The following EHBP1 variants were observed in gnomAD, a reference collection of about 807,000 sequenced individuals.
EHBP1 encodes EH domain-binding protein 1.
EHBP1 carries 55 observed loss-of-function variants against 144.0 expected under a neutral mutation model. The ratio of observed to expected loss-of-function variants is 0.38; its 90% confidence interval spans 0.31 to 0.48. The LOEUF (loss-of-function observed/expected upper bound fraction) is 0.48, where lower values mean the gene tolerates loss of function less well. EHBP1 is among the 20% of genes least tolerant of loss of function. The pLI is 0.98. For synonymous variants in EHBP1, 469 were observed against 472.7 expected, an observed-to-expected ratio of 0.99 and a Z score of 0.10; for missense variants, 1,200 against 1,364.2, an observed-to-expected ratio of 0.88 and a Z score of 1.90.
intron 2 of EHBP1, among the ~76,000 whole-genome samples, chr2:62,739,760 T>C (rs2038510109): frequency 6.6e-6 from 1 of 151,730 alleles, no homozygotes. Flanking sequence ...CTGGGCAACA[T>C]AGCAATCTCT....
At chr2:62,815,040 A>G (rs2045336274) in intron 5 of EHBP1, among the ~76,000 whole-genome samples, 1 of 152,232 alleles carries the variant, frequency 6.6e-6, no homozygotes, top group African/African-American at 2.4e-5. Flanking sequence ...ATAAAACAAT[A>G]ATAGTAATAA....
Position 62,768,272 on chromosome 2 carries a change from G to A in EHBP1, c.259-3067G>A, listed in dbSNP as rs576106975. Among the ~76,000 whole-genome samples, 8 of 152,240 alleles carry A rather than the reference G, an allele frequency of 5.3e-5. No individual in the cohort carries two copies. The South Asian group carries it at 1.2e-3, about 24-fold the overall frequency. ...AAAAATTAAGATTGATAAGCTGCTA[G>A]CTAGACTAATAAGAAAAGAGAGAAG... is the stretch of plus-strand genomic sequence containing the variant. On this transcript the variant is annotated intron_variant, in intron 4 of 22. Transcript: ENST00000431489.
chr2:62,840,614 A>G (rs2047742267), intron 7 of EHBP1, among the ~76,000 whole-genome samples: 1 of 152,016 alleles, frequency 6.6e-6, no homozygotes, highest in Non-Finnish European at 1.5e-5. Context: ...AATATCCAGA[A>G]TCTACAGTGA....
chr2:62,885,432 G>A (rs147393438), intron 10 of EHBP1, among the ~76,000 whole-genome samples: 1 of 152,128 alleles, frequency 6.6e-6, no homozygotes, highest in Admixed American at 6.5e-5. Context: ...TCAATGTTTA[G>A]AGAAGTAAAC....
chr2:62,959,858 T>G (rs901958787), intron 14 of EHBP1, among the ~76,000 whole-genome samples: 3 of 152,204 alleles, frequency 2.0e-5, no homozygotes, highest in Non-Finnish European at 4.4e-5. Flanking sequence ...ACAAGTAAAC[T>G]TAAGTCCTTC....
intron 19 of EHBP1, among the ~76,000 whole-genome samples, chr2:63,010,225 A>G (rs2060212183): frequency 6.6e-6 from 1 of 151,406 alleles, no homozygotes; most frequent in African/African-American, 2.4e-5. Flanking sequence ...TCTAGTATAG[A>G]CCTTTTAGTT....
intron 5 of EHBP1, among the ~76,000 whole-genome samples, chr2:62,820,247 A>G (rs1006366349): frequency 7.3e-5 from 11 of 151,142 alleles, no homozygotes; most frequent in Non-Finnish European, 1.6e-4. Context: ...AAAGAACATG[A>G]TGTTGAAGAT....
intron 2 of EHBP1, among the ~76,000 whole-genome samples, chr2:62,745,255 A>G (rs896182834): frequency 2.6e-5 from 4 of 152,136 alleles, no homozygotes; most frequent in Non-Finnish European, 4.4e-5. Context: ...AAAATAGTGC[A>G]GTCTAGTGTG....
intron 7 of EHBP1, among the ~76,000 whole-genome samples, chr2:62,835,813 A>G (rs1260449493): frequency 6.6e-6 from 1 of 152,200 alleles, no homozygotes; most frequent in Non-Finnish European, 1.5e-5. Context: ...CCACGAGACT[A>G]TATCCCACAC....
chr2:62,945,203 TA>T (rs1193561208), intron 12 of EHBP1, among the ~76,000 whole-genome samples: 1 of 152,222 alleles, frequency 6.6e-6, no homozygotes, highest in Non-Finnish European at 1.5e-5. Context: ...AGTGCAGTCA[TA>T]AAAAGCACAT....
At chr2:62,991,388 A>AT (rs1346440535) in intron 16 of EHBP1, among the ~76,000 whole-genome samples, 1 of 152,208 alleles carries the variant, frequency 6.6e-6, no homozygotes, top group Non-Finnish European at 1.5e-5. Context: ...AATAGAGGCA[A>AT]TATGGAAACT....
chr2:63,016,270 T>G (rs2060479790), intron 19 of EHBP1, among the ~76,000 whole-genome samples: 1 of 152,200 alleles, frequency 6.6e-6, no homozygotes, highest in African/African-American at 2.4e-5. Context: ...GTTATAGTTC[T>G]GTTTTGTATA....
intron 6 of EHBP1, 122 bp from the exon 7 acceptor site, chr2:62,830,897 C>G (rs775580131): frequency 5.2e-6 from 5 of 967,362 alleles, no homozygotes; most frequent in Non-Finnish European, 7.4e-6. Flanking sequence ...TCTTGTGCAA[C>G]TGATAAGAAA....
intron 2 of EHBP1, among the ~76,000 whole-genome samples, chr2:62,734,231 A>T (rs572104540): frequency 2.0e-5 from 3 of 151,524 alleles, no homozygotes; most frequent in East Asian, 3.9e-4. Flanking sequence ...TCAATATTAC[A>T]TCTTGATTTT....
In EHBP1 at chr2:62,988,598, G is replaced by A. The variant is rs144163404; in HGVS notation, c.2609-2118G>A. Among the ~76,000 whole-genome samples the A allele has an allele frequency of 8.7e-3, 1,318 of 152,036 alleles. 5 individuals carry two copies. Among genetic ancestry groups the A allele is most frequent in the Admixed American group, 0.015 (222 of 15,272 alleles). ...ATGTCTTATATCAATAAATTGCTTT[G>A]GCAATGGACCTTTGTAAGTTCTTAT... On this transcript the variant is annotated intron_variant, in intron 15 of 22. Coordinates refer to ENST00000431489, the MANE Select transcript of EHBP1 (RefSeq NM_001142616.3).
At chr2:62,926,836 CTGAG>C (rs2055555463) in intron 10 of EHBP1, among the ~76,000 whole-genome samples, 2 of 152,068 alleles carry the variant, frequency 1.3e-5, no homozygotes. Flanking sequence ...CCTCCTACTA[CTGAG>C]TATTTATCCA....
intron 15 of EHBP1, chr2:62,988,111 CAATAAT>C: frequency 2.5e-6 from 2 of 810,538 alleles, no homozygotes; most frequent in Non-Finnish European, 2.0e-6. Flanking sequence ...ATTATCTCAT[CAATAAT>C]AATAATAATT....
chr2:62,743,907 G>T (rs75323296), intron 2 of EHBP1, among the ~76,000 whole-genome samples: 10,378 of 152,034 alleles, frequency 0.068, 516 homozygotes, highest in Non-Finnish European at 0.1. Flanking sequence ...CTTTTTCCTA[G>T]CCTCTTTCTT....
chr2:62,855,600 C>G (rs985118338), intron 7 of EHBP1, among the ~76,000 whole-genome samples: 1 of 152,190 alleles, frequency 6.6e-6, no homozygotes, highest in Non-Finnish European at 1.5e-5. Flanking sequence ...AATCAGCATG[C>G]AATTCCTCTT....
Sources: gnomAD v4.1 joint callset for allele counts (sites outside exome capture counted in the v4.1 genomes callset) on GRCh38, gnomAD v4.1.1 for gene constraint, MANE v1.5 for transcripts, NCBI Gene and HGNC (gene_info 2026-07-23, HGNC 2026-07-21) for gene names.